KIAA1958: variants seen among roughly 807,000 people sequenced by gnomAD.
The protein encoded by KIAA1958 is uncharacterized protein KIAA1958.
KIAA1958 carries 14 observed loss-of-function variants against 47.2 expected under a neutral mutation model. That is an observed-to-expected ratio of 0.30 (90% confidence interval 0.20 to 0.46). KIAA1958 has a LOEUF of 0.46. Ranked by LOEUF, KIAA1958 falls within the 20% of genes least tolerant of loss-of-function variation. KIAA1958 has a pLI of 1.00. For synonymous variants in KIAA1958, 354 were observed against 353.3 expected, an observed-to-expected ratio of 1.00 and a Z score of -0.02; for missense variants, 803 against 909.2, an observed-to-expected ratio of 0.88 and a Z score of 1.50.
chr9:112,550,637 T>G (rs1438818831), intron 1 of KIAA1958, among the ~76,000 whole-genome samples: 3 of 151,948 alleles, frequency 2.0e-5, no homozygotes, highest in Non-Finnish European at 1.5e-5. Context: ...GAACCAGGAG[T>G]CAGATTCCAG....
intron 1 of KIAA1958, among the ~76,000 whole-genome samples, chr9:112,554,501 C>CAGT (rs1835208348): frequency 6.7e-6 from 1 of 150,372 alleles, no homozygotes; most frequent in Admixed American, 6.6e-5. Flanking sequence ...GACTCCATCT[C>CAGT]AATAATAATA....
chr9:112,628,842 C>A (rs953508728), intron 2 of KIAA1958, among the ~76,000 whole-genome samples: 1 of 152,138 alleles, frequency 6.6e-6, no homozygotes, highest in African/African-American at 2.4e-5. Flanking sequence ...AATGTTTTCA[C>A]TGCCAAAGTT....
chr9:112,516,785 CAG>C (rs1017463337), intron 1 of KIAA1958, among the ~76,000 whole-genome samples: 31 of 152,248 alleles, frequency 2.0e-4, no homozygotes, highest in African/African-American at 7.5e-4. Flanking sequence ...TTAAATTTAA[CAG>C]AATTTAATTG....
chr9:112,599,917 A>T lies in KIAA1958; in HGVS notation c.1171+24666A>T, dbSNP rs191894830. Among the ~76,000 whole-genome samples the T allele has an allele frequency of 1.4e-4, 21 of 152,338 alleles. 2 individuals carry two copies. Among genetic ancestry groups the T allele is most frequent in the African/African-American group, 5.0e-4 (21 of 41,588 alleles). ...TGGGGGAGAAATTTCTGCAGTCTCT[A>T]ATAAGCAATATATCAATGAGTACTG... On this transcript the variant is annotated intron_variant, in intron 2 of 3. Coordinates refer to ENST00000337530, the MANE Select transcript of KIAA1958 (RefSeq NM_133465.4).
At chr9:112,625,333 T>C (rs10116065) in intron 2 of KIAA1958, among the ~76,000 whole-genome samples, 1,871 of 152,204 alleles carry the variant, frequency 0.012, 28 homozygotes, top group African/African-American at 0.038. Context: ...TAAAAATTTT[T>C]TGTAGACATG....
chr9:112,499,282 G>A (rs1175845131), intron 1 of KIAA1958, among the ~76,000 whole-genome samples: 1 of 152,154 alleles, frequency 6.6e-6, no homozygotes, highest in Non-Finnish European at 1.5e-5. Flanking sequence ...ACTCAGCAGT[G>A]GGATTGCTGG....
rs1835621448 is a variant in KIAA1958, at chr9:112,575,128, G to A, written c.1048G>A (p.Val350Ile). 1 of 1,605,158 alleles carries A rather than the reference G, an allele frequency of 6.2e-7. No individual in the cohort carries two copies. Among genetic ancestry groups the A allele is most frequent in the South Asian group, 1.1e-5 (1 of 91,060 alleles). ...GTTCCTGTCCCATCTGCCCAGCCAG[G>A]TCTCCTCCTGTGAGGTAGCCCTTTC... ...EEFLSHLPSQVSSCEVALSPS... is the reference protein window; with the variant it reads ...EEFLSHLPSQISSCEVALSPS... The change falls in exon 2 of 4, where the codon GTC becomes ATC. Residue 350 changes from valine (V) to isoleucine (I), a missense_variant. Coordinates refer to ENST00000337530, the MANE Select transcript of KIAA1958 (RefSeq NM_133465.4).
intron 2 of KIAA1958, among the ~76,000 whole-genome samples, chr9:112,590,837 GTGAT>G (rs757011951): frequency 2.0e-4 from 30 of 152,186 alleles, no homozygotes; most frequent in Non-Finnish European, 3.7e-4. Flanking sequence ...TGTGTATAAT[GTGAT>G]TGATTGATTA....
intron 1 of KIAA1958, among the ~76,000 whole-genome samples, chr9:112,500,947 C>CAA (rs948330260): frequency 8.0e-5 from 10 of 124,268 alleles, no homozygotes; most frequent in African/African-American, 2.4e-4. Context: ...CCCATCGCTA[C>CAA]AAAAAAAAAA....
intron 1 of KIAA1958, among the ~76,000 whole-genome samples, chr9:112,498,919 A>G (rs561226063): frequency 1.3e-5 from 2 of 152,306 alleles, no homozygotes; most frequent in African/African-American, 2.4e-5. Context: ...CCCAGCCTCT[A>G]ACACACACAG....
intron 2 of KIAA1958, among the ~76,000 whole-genome samples, chr9:112,637,138 T>C (rs1240063097): frequency 1.3e-5 from 2 of 152,212 alleles, no homozygotes; most frequent in Admixed American, 6.5e-5. Flanking sequence ...TGTGTTATTA[T>C]AATGTTAATT....
At chr9:112,534,014 G>C (rs2132814471) in intron 1 of KIAA1958, among the ~76,000 whole-genome samples, 1 of 152,272 alleles carries the variant, frequency 6.6e-6, no homozygotes, top group South Asian at 2.1e-4. Flanking sequence ...TAAGTACAGA[G>C]CCTTGGAGTC....
intron 1 of KIAA1958, among the ~76,000 whole-genome samples, chr9:112,527,532 A>G (rs1041153350): frequency 2.0e-5 from 3 of 152,148 alleles, no homozygotes; most frequent in Admixed American, 6.5e-5. Context: ...ATGTAATGGG[A>G]AGCCACTGGA....
intron 2 of KIAA1958, among the ~76,000 whole-genome samples, chr9:112,585,525 C>T (rs949687596): frequency 2.0e-5 from 3 of 152,182 alleles, no homozygotes; most frequent in Non-Finnish European, 4.4e-5. Flanking sequence ...GTGTCCTCCA[C>T]GGGGCTCAGG....
rs73656418 is a variant in KIAA1958 at position 112,503,039 on chromosome 9, C to T, written c.-25+15921C>T. On this transcript the variant is annotated intron_variant, in intron 1 of 3. Coordinates refer to ENST00000337530, the MANE Select transcript of KIAA1958 (RefSeq NM_133465.4). ...GAAATCAGTAAAAACAAAGTACTTG[C>T]CCTCATAGAGCTTAAATTTTAGTAG... Among the ~76,000 whole-genome samples the T allele has an allele frequency of 1.0e-2, 1,519 of 152,114 alleles. 24 individuals are homozygous for T. Among genetic ancestry groups the T allele is most frequent in the African/African-American group, 0.035 (1,455 of 41,466 alleles).
chr9:112,539,440 A>G (rs1424751763), intron 1 of KIAA1958, among the ~76,000 whole-genome samples: 3 of 152,198 alleles, frequency 2.0e-5, no homozygotes, highest in African/African-American at 4.8e-5. Context: ...AAAAGACTAC[A>G]TATTTCATTT....
At chr9:112,498,093 T>C (rs1173580668) in intron 1 of KIAA1958, among the ~76,000 whole-genome samples, 1 of 152,188 alleles carries the variant, frequency 6.6e-6, no homozygotes, top group Non-Finnish European at 1.5e-5. Flanking sequence ...AATTCTTCTC[T>C]AAGTGACTAA....
intron 2 of KIAA1958, among the ~76,000 whole-genome samples, chr9:112,601,197 C>G (rs1422484150): frequency 6.6e-6 from 1 of 152,148 alleles, no homozygotes; most frequent in Non-Finnish European, 1.5e-5. Flanking sequence ...AAGAAAATAT[C>G]TGAATCTAGT....
chr9:112,631,329 C>A (rs948663841), intron 2 of KIAA1958, among the ~76,000 whole-genome samples: 5 of 151,950 alleles, frequency 3.3e-5, no homozygotes, highest in African/African-American at 9.7e-5. Flanking sequence ...TCAAGACCAG[C>A]CTAGGCAGGC....
Sources: allele counts gnomAD v4.1 joint callset (sites outside exome capture counted in the v4.1 genomes callset), GRCh38; gene constraint gnomAD v4.1.1; transcripts MANE v1.5; gene names NCBI Gene and HGNC (gene_info 2026-07-23, HGNC 2026-07-21).